Variants in THADA observed in about 807,000 individuals in gnomAD.
THADA encodes the protein THADA armadillo repeat containing, also known as tRNA (32-2'-O)-methyltransferase regulator THADA.
Under a neutral mutation model 219.8 loss-of-function variants are expected in THADA, and 213 were observed. That is an observed-to-expected ratio of 0.97 (90% confidence interval 0.87 to 1.09). THADA has a LOEUF of 1.09. THADA is among the 50% of genes least tolerant of loss of function. The pLI, the probability that THADA is intolerant of heterozygous loss-of-function variation, is 0.00. For missense variants in THADA, 2,956 were observed against 2,311.3 expected, an observed-to-expected ratio of 1.28 and a Z score of -5.72; for synonymous variants, 1,018 against 828.9, an observed-to-expected ratio of 1.23 and a Z score of -3.92.
At chr2:43,488,551 G>T (rs1265294204) in intron 25 of THADA, among the ~76,000 whole-genome samples, 1 of 152,114 alleles carries the variant, frequency 6.6e-6, no homozygotes. Flanking sequence ...CCATTGTACA[G>T]ATATACCGTA....
intron 28 of THADA, among the ~76,000 whole-genome samples, chr2:43,403,652 T>C (rs1675149909): frequency 6.6e-6 from 1 of 152,044 alleles, no homozygotes; most frequent in South Asian, 2.1e-4. Flanking sequence ...CCTCCAGCCC[T>C]GATTCTTATT....
intron 26 of THADA, among the ~76,000 whole-genome samples, chr2:43,464,324 A>T (rs1683981142): frequency 6.6e-6 from 1 of 152,212 alleles, no homozygotes; most frequent in South Asian, 2.1e-4. Context: ...TAACTTAAAA[A>T]AAAAAGTAAC....
intron 26 of THADA, among the ~76,000 whole-genome samples, chr2:43,472,255 TG>T (rs1355981295): frequency 6.6e-6 from 1 of 152,198 alleles, no homozygotes; most frequent in Non-Finnish European, 1.5e-5. Flanking sequence ...TATTTAAGTA[TG>T]ATATCTCCAG....
chr2:43,551,043 T>A (rs1696686051), intron 19 of THADA, among the ~76,000 whole-genome samples: 1 of 152,230 alleles, frequency 6.6e-6, no homozygotes, highest in Non-Finnish European at 1.5e-5. Flanking sequence ...ATCACCAATC[T>A]TCTAACTCAT....
intron 25 of THADA, among the ~76,000 whole-genome samples, chr2:43,497,928 G>T (rs1688475386): frequency 6.6e-6 from 1 of 151,968 alleles, no homozygotes; most frequent in Non-Finnish European, 1.5e-5. Context: ...TGACAGGTTG[G>T]TAGGTGCAGC....
chr2:43,308,993 ATGTC>A (rs1677194283), intron 31 of THADA, among the ~76,000 whole-genome samples: 1 of 152,176 alleles, frequency 6.6e-6, no homozygotes, highest in Non-Finnish European at 1.5e-5. Context: ...AAAATTAAAA[ATGTC>A]TGCTCTTCAA....
At chr2:43,563,029 T>G (rs1014935833) in intron 15 of THADA, 2 of 152,240 alleles carry the variant, frequency 1.3e-5, no homozygotes, top group African/African-American at 4.8e-5. Context: ...TCTGGTTTCG[T>G]AGATTATTCG....
intron 15 of THADA, chr2:43,566,159 G>T: frequency 2.9e-6 from 1 of 343,686 alleles, no homozygotes; most frequent in East Asian, 4.4e-5. Flanking sequence ...TTCAAAGAGG[G>T]AACTGAAATT....
At chr2:43,402,064 G>A (rs1674915169) in intron 28 of THADA, among the ~76,000 whole-genome samples, 1 of 152,142 alleles carries the variant, frequency 6.6e-6, no homozygotes, top group Non-Finnish European at 1.5e-5. Context: ...CACAGTTTCA[G>A]GTTCGTGACA....
At chr2:43,291,482 A>AAAAAAAAAAAAAT (rs1674711254) in intron 34 of THADA, among the ~76,000 whole-genome samples, 3 of 142,202 alleles carry the variant, frequency 2.1e-5, no homozygotes, top group Admixed American at 7.0e-5. Context: ...AAAAAAAAAA[A>AAAAAAAAAAAAAT]TCCTAAAACA....
chr2:43,411,054 C>T (rs1024431987), intron 28 of THADA, among the ~76,000 whole-genome samples: 1 of 152,174 alleles, frequency 6.6e-6, no homozygotes, highest in Non-Finnish European at 1.5e-5. Context: ...TTCCCTTGTG[C>T]TCTTTTAAAA....
At chr2:43,577,307 T>A in intron 9 of THADA, 65 bp from the exon 10 acceptor site, 1 of 1,307,742 alleles carries the variant, frequency 7.6e-7, no homozygotes. Flanking sequence ...TATTTCAAAA[T>A]ACAAACCCAA....
At chr2:43,522,432 G>A (rs1399280522) in intron 22 of THADA, among the ~76,000 whole-genome samples, 2 of 152,132 alleles carry the variant, frequency 1.3e-5, no homozygotes, top group Admixed American at 6.5e-5. Context: ...AGAGGGCCAT[G>A]GGGAGAAGGA....
intron 29 of THADA, among the ~76,000 whole-genome samples, chr2:43,389,361 T>C (rs1302556222): frequency 6.6e-6 from 1 of 152,214 alleles, no homozygotes; most frequent in African/African-American, 2.4e-5. Context: ...CAGGTACACC[T>C]GTAGTCCCAT....
chr2:43,508,041 T>C (rs559535923), intron 23 of THADA, among the ~76,000 whole-genome samples: 1 of 152,124 alleles, frequency 6.6e-6, no homozygotes, highest in African/African-American at 2.4e-5. Context: ...GGCTCAAGTC[T>C]TAACTCAGTT....
intron 26 of THADA, among the ~76,000 whole-genome samples, chr2:43,467,181 C>T: frequency 1.7e-5 from 1 of 58,400 alleles, no homozygotes; most frequent in African/African-American, 5.8e-5. Context: ...GACTCCGTCT[C>T]AAAAAAAAAA....
At chr2:43,330,055 C>T (rs1679779029) in intron 30 of THADA, among the ~76,000 whole-genome samples, 1 of 152,212 alleles carries the variant, frequency 6.6e-6, no homozygotes, top group South Asian at 2.1e-4. Flanking sequence ...ACAGGCCACA[C>T]CTTGCTGGGC....
chr2:43,401,945 T>C (rs927935823), intron 28 of THADA, among the ~76,000 whole-genome samples: 1 of 144,386 alleles, frequency 6.9e-6, no homozygotes, highest in African/African-American at 2.5e-5. Context: ...TGTTGTTTTT[T>C]TTTTTAAAAA....
intron 24 of THADA, among the ~76,000 whole-genome samples, chr2:43,502,262 A>G (rs1049467073): frequency 3.3e-5 from 5 of 152,290 alleles, no homozygotes; most frequent in African/African-American, 1.2e-4. Context: ...TGACAAGTAA[A>G]ACTTGAAAAC....
Sources: gnomAD v4.1 joint callset for allele counts (sites outside exome capture counted in the v4.1 genomes callset) on GRCh38, gnomAD v4.1.1 for gene constraint, MANE v1.5 for transcripts, NCBI Gene and HGNC (gene_info 2026-07-23, HGNC 2026-07-21) for gene names.